ERBB4: variants seen among roughly 807,000 people sequenced by gnomAD.
ERBB4 encodes receptor tyrosine-protein kinase erbB-4.
ERBB4 carries 42 observed loss-of-function variants against 158.0 expected under a neutral mutation model. That is an observed-to-expected ratio of 0.27 (90% confidence interval 0.21 to 0.34). ERBB4 has a LOEUF of 0.34. Among genes scored for constraint, ERBB4 ranks in the 10% least tolerant of loss-of-function variants. The pLI is 1.00. For missense variants in ERBB4, 1,333 were observed against 1,624.1 expected, an observed-to-expected ratio of 0.82 and a Z score of 3.08; for synonymous variants, 583 against 558.7, an observed-to-expected ratio of 1.04 and a Z score of -0.61.
At position 211,382,343 on chromosome 2, in the gene ERBB4, CTCA is replaced by C. The variant is rs1559110957; in HGVS notation, c.*1269_*1271del. The C allele has an allele frequency of 4.3e-6, 1 of 232,420 alleles. No individual in the cohort carries two copies. The highest frequency in any genetic ancestry group is 2.2e-5 in the African/African-American group (1 of 45,306). The allele number at this position is 232,420 out of a possible 1,614,324, so 14.4% of individuals were successfully genotyped here. ...ACATATGAAGATAATGTGCTGGCCT[CTCA>C]TCATAGTCCCTGGATACCGTTGCAA... On this transcript the variant is annotated 3_prime_UTR_variant, in exon 28 of 28. Coordinates refer to ENST00000342788, the MANE Select transcript of ERBB4 (RefSeq NM_005235.3).
intron 1 of ERBB4, among the ~76,000 whole-genome samples, chr2:212,475,773 GTTTTA>G (rs1225454277): frequency 6.6e-6 from 1 of 151,878 alleles, no homozygotes; most frequent in African/African-American, 2.4e-5. Context: ...AGTTATTGGG[GTTTTA>G]TTTTTTATTT....
At chr2:211,846,919 A>G (rs1367155210) in intron 3 of ERBB4, among the ~76,000 whole-genome samples, 1 of 152,178 alleles carries the variant, frequency 6.6e-6, no homozygotes, top group Non-Finnish European at 1.5e-5. Context: ...AGAGCTGTCC[A>G]GCACAGCATG....
chr2:212,450,832 A>AC (rs2092434933), intron 1 of ERBB4, among the ~76,000 whole-genome samples: 1 of 151,680 alleles, frequency 6.6e-6, no homozygotes, highest in Non-Finnish European at 1.5e-5. Flanking sequence ...AAAAAAAAAA[A>AC]AAAAAAAACA....
At chr2:212,081,896 A>C (rs556973537) in intron 2 of ERBB4, among the ~76,000 whole-genome samples, 88 of 152,246 alleles carry the variant, frequency 5.8e-4, no homozygotes, top group Non-Finnish European at 7.6e-4. Flanking sequence ...AAAGCACTTC[A>C]CCTAGCAAAC....
chr2:211,537,691 C>T (rs1005261030), intron 20 of ERBB4, among the ~76,000 whole-genome samples: 1 of 151,896 alleles, frequency 6.6e-6, no homozygotes, highest in Non-Finnish European at 1.5e-5. Flanking sequence ...TCCAACTCAA[C>T]ATTAAAAATA....
At chr2:212,176,155 G>A (rs1250270374) in intron 1 of ERBB4, among the ~76,000 whole-genome samples, 1 of 151,864 alleles carries the variant, frequency 6.6e-6, no homozygotes, top group African/African-American at 2.4e-5. Flanking sequence ...CTAACCTCAG[G>A]CTAACCCTTG....
chr2:211,940,822 G>C (rs1398802673), intron 3 of ERBB4, among the ~76,000 whole-genome samples: 1 of 151,894 alleles, frequency 6.6e-6, no homozygotes, highest in African/African-American at 2.4e-5. Flanking sequence ...CTGATTCTTG[G>C]TACAGCAGGA....
At chr2:212,040,420 A>G (rs1314308762) in intron 2 of ERBB4, among the ~76,000 whole-genome samples, 1 of 152,132 alleles carries the variant, frequency 6.6e-6, no homozygotes, top group Non-Finnish European at 1.5e-5. Flanking sequence ...ATGAACAATA[A>G]GAACAGAATT....
chr2:212,167,796 G>T (rs1301319240), intron 1 of ERBB4, among the ~76,000 whole-genome samples: 1 of 152,120 alleles, frequency 6.6e-6, no homozygotes, highest in East Asian at 1.9e-4. Flanking sequence ...GCAGGGACAT[G>T]AATGAAGCTG....
At chr2:212,141,561 A>G (rs1416963716) in intron 1 of ERBB4, among the ~76,000 whole-genome samples, 2 of 152,040 alleles carry the variant, frequency 1.3e-5, no homozygotes, top group African/African-American at 4.8e-5. Flanking sequence ...CTAAAAGTTT[A>G]TCCACTCCTT....
chr2:212,203,655 C>A (rs1474310265), intron 1 of ERBB4, among the ~76,000 whole-genome samples: 1 of 152,304 alleles, frequency 6.6e-6, no homozygotes, highest in East Asian at 1.9e-4. Context: ...ATGAAAAGGA[C>A]AAACTAGTAA....
At chr2:212,391,684 T>C (rs2090865858) in intron 1 of ERBB4, among the ~76,000 whole-genome samples, 1 of 128,056 alleles carries the variant, frequency 7.8e-6, no homozygotes, top group African/African-American at 3.0e-5. Context: ...ATATATATTA[T>C]ATATATTATA....
At chr2:212,078,506 A>T (rs1254995178) in intron 2 of ERBB4, among the ~76,000 whole-genome samples, 1 of 152,060 alleles carries the variant, frequency 6.6e-6, no homozygotes, top group Non-Finnish European at 1.5e-5. Context: ...ATATAAATGT[A>T]TTGAAATAAA....
chr2:211,889,939 T>G, intron 3 of ERBB4, among the ~76,000 whole-genome samples: 1 of 122,818 alleles, frequency 8.1e-6, no homozygotes, highest in Non-Finnish European at 1.7e-5. Context: ...TTGGTGTACC[T>G]GAAAGTGATG....
intron 20 of ERBB4, among the ~76,000 whole-genome samples, chr2:211,515,298 G>C (rs1310526482): frequency 6.6e-6 from 1 of 152,070 alleles, no homozygotes; most frequent in Non-Finnish European, 1.5e-5. Flanking sequence ...TGAAGGGTGT[G>C]ACACAGAAGT....
intron 3 of ERBB4, among the ~76,000 whole-genome samples, chr2:211,900,675 G>A (rs2079211830): frequency 1.3e-5 from 2 of 151,894 alleles, no homozygotes; most frequent in Non-Finnish European, 1.5e-5. Context: ...GTTATATTTA[G>A]CAAGTTACTA....
At chr2:212,020,308 G>T (rs374626002) in intron 2 of ERBB4, among the ~76,000 whole-genome samples, 1 of 151,978 alleles carries the variant, frequency 6.6e-6, no homozygotes, top group Non-Finnish European at 1.5e-5. Context: ...GACAATATTA[G>T]AACTTATCAT....
intron 1 of ERBB4, among the ~76,000 whole-genome samples, chr2:212,289,421 G>T (rs1463293187): frequency 6.6e-6 from 1 of 152,138 alleles, no homozygotes; most frequent in African/African-American, 2.4e-5. Flanking sequence ...TTCTTGGTTA[G>T]TAAATATTTA....
chr2:211,670,359 C>T (rs930312046), intron 14 of ERBB4, among the ~76,000 whole-genome samples: 3 of 152,144 alleles, frequency 2.0e-5, no homozygotes, highest in Non-Finnish European at 4.4e-5. Context: ...TTCTTACCTG[C>T]TTAGCATTCA....
Sources: allele counts gnomAD v4.1 joint callset (sites outside exome capture counted in the v4.1 genomes callset), GRCh38; gene constraint gnomAD v4.1.1; transcripts MANE v1.5; gene names NCBI Gene and HGNC (gene_info 2026-07-23, HGNC 2026-07-21).